Variants in SLC18A1 observed in about 807,000 individuals in gnomAD.
SLC18A1 encodes the protein solute carrier family 18 member A1, also known as chromaffin granule amine transporter.
In SLC18A1, 69 loss-of-function variants were observed where a neutral mutation model predicts 53.7. The ratio of observed to expected loss-of-function variants is 1.28; its 90% CI spans 1.06 to 1.57. The LOEUF is 1.57. Among genes scored for constraint, SLC18A1 ranks in the 40% most tolerant of loss-of-function variants. The pLI is 0.00. For synonymous variants in SLC18A1, 320 were observed against 248.1 expected, an observed-to-expected ratio of 1.29 and a Z score of -2.72; for missense variants, 932 against 668.1, an observed-to-expected ratio of 1.40 and a Z score of -4.35.
rs548994828 is a variant in SLC18A1 at position 20,177,770 on chromosome 8, C to A, written c.547+665G>T. ...GCCTTCCCCTGCCTTAACCTGCTAA[C>A]GCTAACCCTTTTCATTCCTTCTTCC... On this transcript the variant is annotated intron_variant, in intron 4 of 15. Transcript: ENST00000276373. Among the ~76,000 whole-genome samples the A allele has an allele frequency of 5.3e-5, 8 of 152,326 alleles. No individual in the cohort carries two copies. The South Asian group carries it at 1.7e-3, about 32-fold the overall frequency.
At chr8:20,162,472 T>C (rs958333249) in intron 10 of SLC18A1, among the ~76,000 whole-genome samples, 5 of 152,314 alleles carry the variant, frequency 3.3e-5, no homozygotes, top group African/African-American at 1.2e-4. Flanking sequence ...CACCTTTAAA[T>C]CATTTCTTTG....
At chr8:20,168,453 T>C (rs1307996134) in intron 8 of SLC18A1, among the ~76,000 whole-genome samples, 1 of 152,168 alleles carries the variant, frequency 6.6e-6, no homozygotes, top group Non-Finnish European at 1.5e-5. Context: ...GATAAATAAA[T>C]GTTTTTTAAG....
intron 13 of SLC18A1, 130 bp downstream of exon 13, chr8:20,147,877 C>T (rs2071442607): frequency 7.0e-7 from 1 of 1,434,364 alleles, no homozygotes; most frequent in Non-Finnish European, 9.5e-7. Context: ...CTCTCCACAA[C>T]CCTGCCAGCT....
intron 10 of SLC18A1, among the ~76,000 whole-genome samples, chr8:20,156,116 G>A (rs1389810774): frequency 6.6e-6 from 1 of 152,196 alleles, no homozygotes; most frequent in East Asian, 1.9e-4. Context: ...GTATCAAAGT[G>A]AATTGAGTAA....
intron 4 of SLC18A1, 44 bp from the exon 5 acceptor site, chr8:20,174,488 C>T: frequency 7.3e-7 from 1 of 1,364,414 alleles, no homozygotes; most frequent in Non-Finnish European, 1.0e-6. Flanking sequence ...AGCAAATTGC[C>T]TTTGCTTCCC....
In SLC18A1 at chr8:20,181,061, G is replaced by A; in HGVS notation, c.-97C>T. On this transcript the variant is annotated 5_prime_UTR_variant, in exon 2 of 16. Coordinates refer to ENST00000276373, the MANE Select transcript of SLC18A1 (RefSeq NM_003053.4). ...CTGCAGCCTTTATGGAAGAGGGGAG[G>A]GAGTCTGCCCAGACGAAGGAAACTC... 1 of 1,436,052 alleles carries A rather than the reference G, an allele frequency of 7.0e-7. No homozygotes were observed. The highest frequency in any genetic ancestry group is 9.3e-7 in the Non-Finnish European group (1 of 1,074,744). The allele number at this position is 1,436,052 out of a possible 1,614,324, so 89.0% of individuals were successfully genotyped here.
At chr8:20,160,235 A>C (rs2071789542) in intron 10 of SLC18A1, among the ~76,000 whole-genome samples, 2 of 149,022 alleles carry the variant, frequency 1.3e-5, no homozygotes, top group Non-Finnish European at 3.0e-5. Context: ...AAAAAAATTA[A>C]AACTACTCAA....
chr8:20,174,613 C>A (rs1055000923), intron 4 of SLC18A1, among the ~76,000 whole-genome samples, 169 bp from the exon 5 acceptor site: 1 of 152,206 alleles, frequency 6.6e-6, no homozygotes, highest in African/African-American at 2.4e-5. Context: ...ATCTCCCACT[C>A]CTCAGTTTTG....
At chr8:20,148,782 C>T (rs892269964) in intron 12 of SLC18A1, among the ~76,000 whole-genome samples, 1 of 152,174 alleles carries the variant, frequency 6.6e-6, no homozygotes, top group Non-Finnish European at 1.5e-5. Flanking sequence ...TGGCTGATAA[C>T]AATTTTTAGG....
At position 20,150,955 on chromosome 8, in the gene SLC18A1, C is replaced by T. The variant is rs1157994194; in HGVS notation, c.1016-211G>A. Reference sequence around the variant, plus strand: ...CTTCAGGAGCAAGGCTTTGTTTAGCCTCAGTACTTTTCTTTTTGTTTTCTT... The same window carrying T: ...CTTCAGGAGCAAGGCTTTGTTTAGCTTCAGTACTTTTCTTTTTGTTTTCTT... On this transcript the variant is annotated intron_variant, in intron 10 of 15. Coordinates refer to ENST00000276373, the MANE Select transcript of SLC18A1 (RefSeq NM_003053.4). 4 of 560,326 alleles carry T rather than the reference C, an allele frequency of 7.1e-6. No homozygotes were observed. The East Asian group carries it at 8.9e-5, about 12-fold the overall frequency. 34.7% of individuals were successfully genotyped at this position (560,326 alleles called of 1,614,324 possible).
At chr8:20,161,673 C>T (rs978291832) in intron 10 of SLC18A1, among the ~76,000 whole-genome samples, 1 of 152,152 alleles carries the variant, frequency 6.6e-6, no homozygotes, top group Non-Finnish European at 1.5e-5. Context: ...AAGGAAGCAA[C>T]AGGGAAGAAG....
intron 10 of SLC18A1, among the ~76,000 whole-genome samples, chr8:20,163,812 T>G (rs2071887921): frequency 6.6e-6 from 1 of 152,130 alleles, no homozygotes; most frequent in Non-Finnish European, 1.5e-5. Context: ...TAAAAGATGG[T>G]GGCAACTGAG....
At chr8:20,179,728 A>C (rs1359963056) in intron 2 of SLC18A1, among the ~76,000 whole-genome samples, 1 of 152,244 alleles carries the variant, frequency 6.6e-6, no homozygotes, top group Non-Finnish European at 1.5e-5. Context: ...GTGCCTGCCC[A>C]AGTTATCCTA....
chr8:20,157,056 C>T (rs34933233), intron 10 of SLC18A1, among the ~76,000 whole-genome samples: 3,805 of 152,188 alleles, frequency 0.025, 79 homozygotes, highest in Non-Finnish European at 0.039. Flanking sequence ...CATCGGTGAG[C>T]GTAACTAATC....
rs139302435 is a variant in SLC18A1 at position 20,145,800 on chromosome 8, C to T, written c.1541G>A (p.Gly514Glu). ...GTCAGGCTCCTCATCACTGTCCTCC[C>T]CCAGAGGAAATTCCTTCGTGGGCTT... ...TQKPTKEFPL[G>E]EDSDEEPDHE... is the part of the protein sequence containing the mutation. Residue 514 changes from glycine (G) to glutamate (E), a missense_variant, in exon 16 of 16, where the codon GGG becomes GAG. Transcript: ENST00000276373. 5 of 1,612,210 alleles carry T rather than the reference C, an allele frequency of 3.1e-6. No homozygotes were observed. Among genetic ancestry groups the T allele is most frequent in the African/African-American group, 1.3e-5 (1 of 74,908 alleles).
In SLC18A1 at chr8:20,174,579, C is replaced by A. The variant is rs2072210786; in HGVS notation, c.548-135G>T. The A allele has an allele frequency of 6.4e-6, 4 of 629,556 alleles. No homozygotes were observed. The East Asian group carries it at 1.1e-4, about 18-fold the overall frequency. The allele number at this position is 629,556 out of a possible 1,614,324, so 39.0% of individuals were successfully genotyped here. ...TTTTAATAAAGCATGATGACTGTTC[C>A]CTGTTTTTTGAGTTGTCTTTTCAAT... On this transcript the variant is annotated intron_variant, in intron 4 of 15. Transcript: ENST00000276373.
rs1374522305 is a variant in SLC18A1, at chr8:20,171,112, G to T, written c.849C>A (p.Val283=). The T allele has an allele frequency of 1.2e-6, 2 of 1,614,036 alleles. No individual in the cohort carries two copies. The highest frequency in any genetic ancestry group is 1.7e-6 in the Non-Finnish European group (2 of 1,180,006). ...CTTTGTGTCTGCTTACCTCAGGAGA[G>T]ACTTTGGAAGGCTGTAGGATGCAAA... is the stretch of plus-strand genomic sequence containing the variant. The part of the protein sequence containing the change: ...LQLCILQPSK[V]SPESAKGTPL... The change falls in exon 8 of 16, where the codon GTC becomes GTA. Residue 283 remains valine, a synonymous_variant. Coordinates refer to ENST00000276373, the MANE Select transcript of SLC18A1 (RefSeq NM_003053.4).
chr8:20,179,967 C>T (rs530100597), intron 2 of SLC18A1, among the ~76,000 whole-genome samples: 129 of 152,278 alleles, frequency 8.5e-4, no homozygotes, highest in South Asian at 7.2e-3. Context: ...AGCTCTGGGA[C>T]CCCTGGACAG....
intron 8 of SLC18A1, among the ~76,000 whole-genome samples, chr8:20,170,841 A>G (rs2072095881): frequency 8.4e-6 from 1 of 118,552 alleles, no homozygotes; most frequent in Admixed American, 8.7e-5. Flanking sequence ...GAATATATAG[A>G]TAGATAGATA....
Sources: gnomAD v4.1 joint callset for allele counts (sites outside exome capture counted in the v4.1 genomes callset) on GRCh38, gnomAD v4.1.1 for gene constraint, MANE v1.5 for transcripts, NCBI Gene and HGNC (gene_info 2026-07-23, HGNC 2026-07-21) for gene names.